Variants in RBFOX1 observed in about 807,000 individuals in gnomAD.
RBFOX1 encodes the protein RNA binding protein fox-1 homolog 1.
Under a neutral mutation model 57.7 loss-of-function variants are expected in RBFOX1, and 8 were observed. The observed-to-expected ratio is 0.14, with a 90% CI of 0.08 to 0.25. RBFOX1 has a LOEUF of 0.25. RBFOX1 is among the 10% of genes least tolerant of loss of function. RBFOX1 has a pLI of 1.00. For synonymous variants in RBFOX1, 326 were observed against 222.4 expected (o/e 1.47, Z -4.15); for missense variants, 611 against 548.5 (o/e 1.11, Z -1.14).
intron 4 of RBFOX1, among the ~76,000 whole-genome samples, chr16:5,969,169 C>T (rs2059909931): frequency 6.6e-6 from 1 of 152,042 alleles, no homozygotes; most frequent in Admixed American, 6.6e-5. Flanking sequence ...TAGAATGTTG[C>T]AGCATTGATC....
chr16:6,103,065 C>G (rs757535602), intron 1 of RBFOX1, among the ~76,000 whole-genome samples: 1 of 152,100 alleles, frequency 6.6e-6, no homozygotes, highest in Non-Finnish European at 1.5e-5. Flanking sequence ...AAATATAGAT[C>G]GAAGTTGGAC....
intron 2 of RBFOX1, among the ~76,000 whole-genome samples, chr16:5,524,800 C>G (rs750321326): frequency 5.3e-5 from 8 of 152,076 alleles, no homozygotes; most frequent in African/African-American, 1.2e-4. Context: ...CTCGGCCTCC[C>G]GAAGTGCTGG....
At chr16:5,809,719 T>C (rs1173710564) in intron 3 of RBFOX1, among the ~76,000 whole-genome samples, 2 of 152,324 alleles carry the variant, frequency 1.3e-5, no homozygotes, top group Admixed American at 6.5e-5. Flanking sequence ...ACTTTTACAC[T>C]GTTGGTGGGA....
chr16:5,582,657 T>C lies in RBFOX1; in HGVS notation c.259-16245T>C, dbSNP rs2046709973. 2.0e-5 allele frequency among the ~76,000 whole-genome samples: 3 copies of C among 151,776 alleles called. No individual in the cohort carries two copies. The South Asian group carries it at 6.3e-4, about 32-fold the overall frequency. ...TGTCTGCCTCCTGTGTTCAAATGATTTTCCTGCCCCAGCCTCCCAAGTAGC... is the reference window on the plus strand; with the variant it reads ...TGTCTGCCTCCTGTGTTCAAATGATCTTCCTGCCCCAGCCTCCCAAGTAGC... On this transcript the variant is annotated intron_variant, in intron 2 of 2. Transcript: ENST00000585867.
chr16:6,637,395 T>TA (rs377408029), intron 2 of RBFOX1, among the ~76,000 whole-genome samples: 162 of 12,506 alleles, frequency 0.013, 33 homozygotes, highest in East Asian at 0.029. Flanking sequence ...ATATATTATA[T>TA]ATTAAATATA....
intron 3 of RBFOX1, among the ~76,000 whole-genome samples, chr16:6,835,050 G>A (rs2092990152): frequency 6.6e-6 from 1 of 151,980 alleles, no homozygotes; most frequent in East Asian, 1.9e-4. Context: ...CCAACACCAT[G>A]CCCCGGCTAA....
intron 4 of RBFOX1, among the ~76,000 whole-genome samples, chr16:6,002,082 C>T (rs908323451): frequency 4.6e-5 from 7 of 151,664 alleles, no homozygotes; most frequent in Non-Finnish European, 1.5e-5. Flanking sequence ...AGCGATTGTC[C>T]CTCTTCAGCC....
intron 4 of RBFOX1, among the ~76,000 whole-genome samples, chr16:7,261,446 G>T (rs1249691830): frequency 6.6e-6 from 1 of 152,110 alleles, no homozygotes; most frequent in East Asian, 1.9e-4. Flanking sequence ...GTTAAAAGTT[G>T]GATGCTTGTT....
chr16:6,041,746 C>T (rs933462331), intron 1 of RBFOX1, among the ~76,000 whole-genome samples: 3 of 152,184 alleles, frequency 2.0e-5, no homozygotes, highest in African/African-American at 4.8e-5. Context: ...CATCAGAAGA[C>T]ATCAATGGGC....
At chr16:5,814,949 A>G (rs1597359581) in intron 3 of RBFOX1, among the ~76,000 whole-genome samples, 1 of 151,504 alleles carries the variant, frequency 6.6e-6, no homozygotes, top group Non-Finnish European at 1.5e-5. Flanking sequence ...AAGAAAAAAA[A>G]GAAAAAAAAA....
At chr16:7,582,054 A>G (rs1034975) in intron 6 of RBFOX1, among the ~76,000 whole-genome samples, 1 of 150,278 alleles carries the variant, frequency 6.7e-6, no homozygotes, top group Non-Finnish European at 1.5e-5. Context: ...TTTTGTGACA[A>G]AGTCTTAGTC....
intron 4 of RBFOX1, among the ~76,000 whole-genome samples, chr16:7,226,152 A>T (rs1441013572): frequency 1.3e-5 from 2 of 152,102 alleles, no homozygotes; most frequent in African/African-American, 2.4e-5. Flanking sequence ...CCTCCTTTAC[A>T]ATCATGAAAG....
intron 4 of RBFOX1, among the ~76,000 whole-genome samples, chr16:7,426,615 C>T (rs565504746): frequency 7.2e-5 from 11 of 152,246 alleles, no homozygotes; most frequent in Non-Finnish European, 1.0e-4. Context: ...TAAAATTAGG[C>T]GCACGCTGTG....
intron 3 of RBFOX1, among the ~76,000 whole-genome samples, chr16:6,941,977 C>A (rs1216341266): frequency 6.6e-6 from 1 of 152,082 alleles, no homozygotes; most frequent in Non-Finnish European, 1.5e-5. Flanking sequence ...ACCTGTAATC[C>A]CAGCACTTTA....
intron 2 of RBFOX1, chr16:6,483,909 G>A: frequency 2.7e-6 from 3 of 1,105,006 alleles, no homozygotes; most frequent in Non-Finnish European, 3.3e-6. Context: ...GCGTGAATGG[G>A]ACGCGGTATG....
intron 3 of RBFOX1, among the ~76,000 whole-genome samples, chr16:6,787,840 A>G (rs1051250549): frequency 9.2e-5 from 14 of 152,234 alleles, no homozygotes; most frequent in African/African-American, 3.1e-4. Flanking sequence ...GTATATTTAT[A>G]TTCTATAAAG....
intron 4 of RBFOX1, among the ~76,000 whole-genome samples, chr16:7,185,735 A>G (rs1378664742): frequency 6.6e-6 from 1 of 152,234 alleles, no homozygotes; most frequent in Non-Finnish European, 1.5e-5. Flanking sequence ...AATGAGGCAC[A>G]TAAATGTCGA....
intron 3 of RBFOX1, among the ~76,000 whole-genome samples, chr16:7,031,744 C>G (rs561527028): frequency 6.6e-6 from 1 of 152,222 alleles, no homozygotes; most frequent in African/African-American, 2.4e-5. Flanking sequence ...ACTCTGTGCC[C>G]TCAAACAACA....
chr16:6,620,369 C>T (rs1344517978), intron 2 of RBFOX1, among the ~76,000 whole-genome samples: 1 of 152,146 alleles, frequency 6.6e-6, no homozygotes, highest in Admixed American at 6.5e-5. Flanking sequence ...AAATGTATAG[C>T]ACTAAATGCC....
Sources: gnomAD v4.1 joint callset for allele counts (sites outside exome capture counted in the v4.1 genomes callset) on GRCh38, gnomAD v4.1.1 for gene constraint, MANE v1.5 for transcripts, NCBI Gene and HGNC (gene_info 2026-07-23, HGNC 2026-07-21) for gene names.